The following MAPRE2 variants were observed in gnomAD, a reference collection of about 807,000 sequenced individuals.
MAPRE2 encodes microtubule-associated protein RP/EB family member 2.
MAPRE2 carries 13 observed loss-of-function variants against 43.2 expected under a neutral mutation model. The ratio of observed to expected loss-of-function variants is 0.30; its 90% CI spans 0.20 to 0.48. The LOEUF is 0.48. Ranked by LOEUF, MAPRE2 falls within the 20% of genes least tolerant of loss-of-function variation. The probability of loss-of-function intolerance (pLI) is 0.99; values close to 1 mark genes in which losing one functional copy is unlikely to be tolerated. For synonymous variants in MAPRE2, 135 were observed against 148.8 expected (o/e 0.91, Z 0.68); for missense variants, 161 against 400.2 (o/e 0.40, Z 5.10).
intron 2 of MAPRE2, among the ~76,000 whole-genome samples, chr18:35,088,365 C>G (rs1907976807): frequency 6.6e-6 from 1 of 152,118 alleles, no homozygotes; most frequent in Non-Finnish European, 1.5e-5. Context: ...GTTCTAGGAA[C>G]AGCAAGGAAG....
intron 1 of MAPRE2, among the ~76,000 whole-genome samples, chr18:34,989,538 T>A (rs1296505341): frequency 6.6e-6 from 1 of 152,146 alleles, no homozygotes; most frequent in Non-Finnish European, 1.5e-5. Context: ...AGTGAGACCC[T>A]ATGTTTACCA....
chr18:34,993,211 C>G (rs1250477883), intron 1 of MAPRE2, among the ~76,000 whole-genome samples: 1 of 151,824 alleles, frequency 6.6e-6, no homozygotes, highest in Admixed American at 6.6e-5. Context: ...CTCAAGTGAC[C>G]CTCCCAAGTA....
chr18:34,996,051 C>T (rs1435934792), intron 1 of MAPRE2, among the ~76,000 whole-genome samples: 1 of 152,174 alleles, frequency 6.6e-6, no homozygotes, highest in Non-Finnish European at 1.5e-5. Context: ...AGTTAAAATG[C>T]TTGTTTTCCT....
At chr18:35,072,905 T>C (rs1474115819) in intron 2 of MAPRE2, among the ~76,000 whole-genome samples, 1 of 152,180 alleles carries the variant, frequency 6.6e-6, no homozygotes, top group African/African-American at 2.4e-5. Flanking sequence ...GGATTTAAAG[T>C]TTCCTTTCTG....
chr18:35,034,608 T>C lies in MAPRE2; in HGVS notation c.-8+29055T>C, dbSNP rs559908742. Among the ~76,000 whole-genome samples, 528 of 152,108 alleles carry C rather than the reference T, an allele frequency of 3.5e-3. 3 individuals carry two copies. The highest frequency in any genetic ancestry group is 0.012 in the African/African-American group (495 of 41,456). On this transcript the variant is annotated intron_variant, in intron 2 of 7. Transcript: ENST00000413393. Reference sequence around the variant, plus strand: ...AATGGGAGAAAATTTTCGCAACCTATTCATCTGACAAAGGGCTAATATCCA... The same window carrying C: ...AATGGGAGAAAATTTTCGCAACCTACTCATCTGACAAAGGGCTAATATCCA...
At chr18:35,015,742 A>G (rs1434386864) in intron 2 of MAPRE2, among the ~76,000 whole-genome samples, 1 of 151,700 alleles carries the variant, frequency 6.6e-6, no homozygotes, top group Non-Finnish European at 1.5e-5. Context: ...CAGATCATGA[A>G]CAAAAATTCA....
intron 1 of MAPRE2, among the ~76,000 whole-genome samples, chr18:34,980,376 T>C (rs1201756744): frequency 6.6e-6 from 1 of 152,120 alleles, no homozygotes; most frequent in Non-Finnish European, 1.5e-5. Flanking sequence ...AAGCACTCAA[T>C]ATTTTTGGCC....
chr18:35,102,181 G>A (rs753883860), intron 4 of MAPRE2, 22 bp downstream of exon 4: 15 of 1,536,230 alleles, frequency 9.8e-6, no homozygotes, highest in Admixed American at 2.0e-5. Flanking sequence ...ATGAGATTGC[G>A]GGAGTTGCTT....
intron 2 of MAPRE2, among the ~76,000 whole-genome samples, chr18:35,092,847 C>T (rs932771860): frequency 1.3e-5 from 2 of 152,108 alleles, no homozygotes; most frequent in Non-Finnish European, 2.9e-5. Context: ...AAATGTTCAA[C>T]GTCACTAATC....
intron 6 of MAPRE2, among the ~76,000 whole-genome samples, chr18:35,133,845 G>C (rs888029718): frequency 6.6e-6 from 1 of 152,102 alleles, no homozygotes; most frequent in Non-Finnish European, 1.5e-5. Flanking sequence ...TTTCCAGGGG[G>C]TCTACCTAGA....
intron 6 of MAPRE2, among the ~76,000 whole-genome samples, chr18:35,135,845 T>A (rs1910368197): frequency 6.6e-6 from 1 of 152,258 alleles, no homozygotes; most frequent in Non-Finnish European, 1.5e-5. Context: ...AGAGCTGAGA[T>A]GGCACAGATG....
chr18:35,100,504 A>G (rs973056013), intron 3 of MAPRE2, among the ~76,000 whole-genome samples: 1 of 152,220 alleles, frequency 6.6e-6, no homozygotes, highest in Non-Finnish European at 1.5e-5. Flanking sequence ...CCTTAAAGAC[A>G]TATGCATGTG....
At chr18:35,066,916 G>T (rs1045470126) in intron 1 of MAPRE2, among the ~76,000 whole-genome samples, 3 of 152,214 alleles carry the variant, frequency 2.0e-5, no homozygotes, top group Admixed American at 1.3e-4. Flanking sequence ...ATCAGCAGGG[G>T]TGTTAAATAG....
At chr18:35,060,499 A>G (rs1906468573) in intron 1 of MAPRE2, among the ~76,000 whole-genome samples, 1 of 152,180 alleles carries the variant, frequency 6.6e-6, no homozygotes, top group Admixed American at 6.5e-5. Context: ...GGGGCAGGGA[A>G]GGGTTAGCCT....
At chr18:35,095,417 T>C (rs1436524179) in intron 2 of MAPRE2, among the ~76,000 whole-genome samples, 1 of 141,252 alleles carries the variant, frequency 7.1e-6, no homozygotes, top group Non-Finnish European at 1.6e-5. Flanking sequence ...CACACACTCC[T>C]TTCCAAAGAG....
chr18:35,081,418 G>A (rs1057339272), intron 2 of MAPRE2, among the ~76,000 whole-genome samples: 7 of 152,190 alleles, frequency 4.6e-5, no homozygotes, highest in Admixed American at 3.3e-4. Context: ...CAGTCTGCAC[G>A]AATGTTATGT....
chr18:35,008,646 TA>T (rs200112747), intron 2 of MAPRE2, among the ~76,000 whole-genome samples: 1 of 152,346 alleles, frequency 6.6e-6, no homozygotes, highest in Non-Finnish European at 1.5e-5. Flanking sequence ...ATTTTCACTA[TA>T]AAAAATGCTA....
At chr18:35,056,039 T>A (rs1372075469) in intron 1 of MAPRE2, among the ~76,000 whole-genome samples, 1 of 152,076 alleles carries the variant, frequency 6.6e-6, no homozygotes, top group Non-Finnish European at 1.5e-5. Context: ...TTTAATTTTA[T>A]TTTTTATCTG....
chr18:35,094,995 C>T (rs2144161588), intron 2 of MAPRE2, among the ~76,000 whole-genome samples: 1 of 152,284 alleles, frequency 6.6e-6, no homozygotes, highest in Middle Eastern at 3.4e-3. Context: ...GGCACTATAG[C>T]ATCTCCCCAG....
Sources: gnomAD v4.1 joint callset for allele counts (sites outside exome capture counted in the v4.1 genomes callset) on GRCh38, gnomAD v4.1.1 for gene constraint, MANE v1.5 for transcripts, NCBI Gene and HGNC (gene_info 2026-07-23, HGNC 2026-07-21) for gene names.